NALF1: variants seen among roughly 807,000 people sequenced by gnomAD.
The protein encoded by NALF1 is family with sequence similarity 155 member A.
In NALF1, 3 loss-of-function variants were observed where a neutral mutation model predicts 48.4. The ratio of observed to expected loss-of-function variants is 0.06; its 90% CI spans 0.03 to 0.16. The LOEUF (loss-of-function observed/expected upper bound fraction) is 0.16, where lower values mean the gene tolerates loss of function less well. Among genes scored for constraint, NALF1 ranks in the 10% least tolerant of loss-of-function variants. The probability of loss-of-function intolerance (pLI) is 1.00; values close to 1 mark genes in which losing one functional copy is unlikely to be tolerated. For missense variants in NALF1, 526 were observed against 571.5 expected (o/e 0.92, Z 0.81); for synonymous variants, 262 against 245.7 (o/e 1.07, Z -0.62).
At chr13:107,417,029 T>G (rs765383630) in intron 1 of NALF1, among the ~76,000 whole-genome samples, 1 of 152,208 alleles carries the variant, frequency 6.6e-6, no homozygotes, top group Non-Finnish European at 1.5e-5. Context: ...TTTCATTCAG[T>G]CAATGTGGGA....
At chr13:107,217,971 AG>A (rs2138812224) in intron 1 of NALF1, among the ~76,000 whole-genome samples, 1 of 152,290 alleles carries the variant, frequency 6.6e-6, no homozygotes, top group South Asian at 2.1e-4. Flanking sequence ...CCCATCCCAC[AG>A]CAACACCCAG....
chr13:107,414,894 A>T (rs1884059617), intron 1 of NALF1, among the ~76,000 whole-genome samples: 1 of 152,216 alleles, frequency 6.6e-6, no homozygotes, highest in East Asian at 1.9e-4. Flanking sequence ...TAAATATCTT[A>T]AAATAGTCTA....
At chr13:107,421,191 G>A (rs7321697) in intron 1 of NALF1, among the ~76,000 whole-genome samples, 3,029 of 152,208 alleles carry the variant, frequency 0.02, 95 homozygotes, top group African/African-American at 0.07. Context: ...CATCAGCATT[G>A]AGACCTTAAA....
chr13:107,700,918 C>A (rs1881802800), intron 1 of NALF1, among the ~76,000 whole-genome samples: 1 of 151,996 alleles, frequency 6.6e-6, no homozygotes, highest in Non-Finnish European at 1.5e-5. Flanking sequence ...AAGGGAAATA[C>A]AAATTAAAAC....
intron 1 of NALF1, among the ~76,000 whole-genome samples, chr13:107,311,950 A>T (rs1882054480): frequency 6.6e-6 from 1 of 152,162 alleles, no homozygotes; most frequent in African/African-American, 2.4e-5. Flanking sequence ...GTGGAGAAAT[A>T]GGAACACTTT....
chr13:107,866,731 C>T lies in NALF1; in HGVS notation c.-135G>A, dbSNP rs1880745855. The T allele has an allele frequency of 3.0e-6, 2 of 660,674 alleles. No individual in the cohort carries two copies. The highest frequency in any genetic ancestry group is 2.9e-5 in the Admixed American group (1 of 34,832). The allele number at this position is 660,674 out of a possible 1,614,324, so 40.9% of individuals were successfully genotyped here. ...TTTCTTCTCTCTCCTCTCTCTCTTT[C>T]TCTCTCTTCCCCTCTCCCTCTCTCC... On this transcript the variant is annotated 5_prime_UTR_variant, in exon 1 of 3. Coordinates refer to ENST00000375915, the MANE Select transcript of NALF1 (RefSeq NM_001080396.3). This position sits in a 1 kb window ranked among gnomAD's most constrained non-coding sequence, Gnocchi z 4.4.
chr13:107,228,172 G>A (rs983430705), intron 1 of NALF1, among the ~76,000 whole-genome samples: 2 of 152,120 alleles, frequency 1.3e-5, no homozygotes, highest in African/African-American at 2.4e-5. Context: ...TCTCTTATAG[G>A]CTATTTGGAA....
intron 1 of NALF1, among the ~76,000 whole-genome samples, chr13:107,247,255 C>A (rs760226918): frequency 6.6e-6 from 1 of 152,144 alleles, no homozygotes; most frequent in Non-Finnish European, 1.5e-5. Flanking sequence ...TTAACATTGA[C>A]AAGGGCAAAT....
rs949128151 is a variant in NALF1 at position 107,362,081 on chromosome 13, T to C, written c.916-151326A>G. Among the ~76,000 whole-genome samples, 4 of 151,954 alleles carry C rather than the reference T, an allele frequency of 2.6e-5. No individual in the cohort carries two copies. Among genetic ancestry groups the C allele is most frequent in the African/African-American group, 7.3e-5 (3 of 41,378 alleles). ...GCACTGCCAGCCTGCAGTGCATAGGTAGAGATGGGGGAATTCAACTCTTAT... is the reference window on the plus strand; with the variant it reads ...GCACTGCCAGCCTGCAGTGCATAGGCAGAGATGGGGGAATTCAACTCTTAT... On this transcript the variant is annotated intron_variant, in intron 1 of 2. Coordinates refer to ENST00000375915, the MANE Select transcript of NALF1 (RefSeq NM_001080396.3). This position sits in a 1 kb window ranked among gnomAD's most constrained non-coding sequence, Gnocchi z 4.6.
chr13:107,555,294 CAA>C (rs1877428686), intron 1 of NALF1, among the ~76,000 whole-genome samples: 1 of 151,622 alleles, frequency 6.6e-6, no homozygotes, highest in South Asian at 2.1e-4. Flanking sequence ...AATTTTGAGA[CAA>C]AGTTTCATTC....
intron 1 of NALF1, among the ~76,000 whole-genome samples, chr13:107,308,652 C>A (rs139338035): frequency 2.0e-5 from 3 of 152,032 alleles, no homozygotes; most frequent in Non-Finnish European, 2.9e-5. Flanking sequence ...GGATAAAAGG[C>A]GTGAAACAAT....
chr13:107,274,902 G>A (rs1455595515), intron 1 of NALF1, among the ~76,000 whole-genome samples: 1 of 152,114 alleles, frequency 6.6e-6, no homozygotes, highest in East Asian at 1.9e-4. Context: ...GAGAAACAGA[G>A]GGAGGGATTT....
At chr13:107,356,633 A>G (rs1049081546) in intron 1 of NALF1, among the ~76,000 whole-genome samples, 17 of 152,274 alleles carry the variant, frequency 1.1e-4, no homozygotes, top group African/African-American at 3.4e-4. Context: ...GTGATATTAA[A>G]TACACAGATC....
At chr13:107,664,152 T>A (rs1880798889) in intron 1 of NALF1, among the ~76,000 whole-genome samples, 4 of 152,210 alleles carry the variant, frequency 2.6e-5, no homozygotes. Context: ...CCCAAAGTCG[T>A]CTTCATTTCA....
At chr13:107,244,877 G>C (rs1880548668) in intron 1 of NALF1, among the ~76,000 whole-genome samples, 1 of 152,108 alleles carries the variant, frequency 6.6e-6, no homozygotes, top group South Asian at 2.1e-4. Flanking sequence ...AGTTACCTCT[G>C]ATCCTAATTG....
intron 1 of NALF1, among the ~76,000 whole-genome samples, chr13:107,589,708 A>G (rs1197011856): frequency 6.6e-6 from 1 of 152,088 alleles, no homozygotes; most frequent in Admixed American, 6.6e-5. Context: ...ATGAAATTAG[A>G]ATATTTCCAA....
At chr13:107,387,267 G>C (rs892468446) in intron 1 of NALF1, among the ~76,000 whole-genome samples, 3 of 152,124 alleles carry the variant, frequency 2.0e-5, no homozygotes, top group African/African-American at 7.2e-5. Flanking sequence ...ATTACTCCTT[G>C]TATGAATTGA....
intron 1 of NALF1, among the ~76,000 whole-genome samples, chr13:107,517,415 G>C (rs529907876): frequency 1.8e-4 from 28 of 151,922 alleles, no homozygotes; most frequent in African/African-American, 6.3e-4. Flanking sequence ...TGGATCACAA[G>C]ATCAGGAGAT....
intron 1 of NALF1, among the ~76,000 whole-genome samples, chr13:107,421,565 A>G (rs1025535282): frequency 1.3e-5 from 2 of 152,204 alleles, no homozygotes; most frequent in African/African-American, 2.4e-5. Context: ...ACTGTTTTTT[A>G]TAATGATGCC....
Sources: allele counts gnomAD v4.1 joint callset (sites outside exome capture counted in the v4.1 genomes callset), GRCh38; gene constraint gnomAD v4.1.1; non-coding constraint Gnocchi (gnomAD v3.1); transcripts MANE v1.5; gene names NCBI Gene and HGNC (gene_info 2026-07-23, HGNC 2026-07-21).